The following LTN1 variants were observed in gnomAD, a reference collection of about 807,000 sequenced individuals.
The protein encoded by LTN1 is E3 ubiquitin-protein ligase listerin.
LTN1 carries 88 observed loss-of-function variants against 201.2 expected under a neutral mutation model. The observed-to-expected ratio is 0.44, with a 90% CI of 0.37 to 0.52. LTN1 has a LOEUF of 0.52. LTN1 is among the 20% of genes least tolerant of loss of function. LTN1 has a pLI of 0.00. For synonymous variants in LTN1, 645 were observed against 713.5 expected, an observed-to-expected ratio of 0.90 and a Z score of 1.53; for missense variants, 1,752 against 2,038.7, an observed-to-expected ratio of 0.86 and a Z score of 2.71.
At chr21:28,972,165 G>A (rs1203481073) in intron 6 of LTN1, among the ~76,000 whole-genome samples, 5 of 152,154 alleles carry the variant, frequency 3.3e-5, no homozygotes, top group Admixed American at 3.3e-4. Flanking sequence ...TCTGCCATGT[G>A]AGGACACAGC....
intron 27 of LTN1, among the ~76,000 whole-genome samples, chr21:28,933,809 T>G (rs1232452313): frequency 6.6e-6 from 1 of 152,016 alleles, no homozygotes; most frequent in Non-Finnish European, 1.5e-5. Context: ...CCCGAGTAGC[T>G]GGGATTACAG....
At chr21:28,965,561 T>C (rs949954276) in intron 11 of LTN1, among the ~76,000 whole-genome samples, 1 of 152,196 alleles carries the variant, frequency 6.6e-6, no homozygotes, top group African/African-American at 2.4e-5. Context: ...CAGAAAGTTG[T>C]AGCTTTAATT....
In LTN1 at chr21:28,984,838, A is replaced by C; in HGVS notation, c.430T>G (p.Leu144Val). The change falls in exon 4 of 30, where the codon TTA (leucine) becomes GTA (valine). Residue 144 changes from leucine (L) to valine (V), a missense_variant. Coordinates refer to ENST00000361371, the MANE Select transcript of LTN1 (RefSeq NM_015565.3). ...LKVKKQLAPY[L>V]KSLMGYWLMA... ...AGCCAATATCCCATTAAACTTTTTAAGTAGGGAGCCAACTGTTTCTTTACT... is the reference window on the plus strand; with the variant it reads ...AGCCAATATCCCATTAAACTTTTTACGTAGGGAGCCAACTGTTTCTTTACT... 6.2e-7 allele frequency: 1 copy of C among 1,614,194 alleles called. No homozygotes were observed. The highest frequency in any genetic ancestry group is 8.5e-7 in the Non-Finnish European group (1 of 1,180,018).
At chr21:28,985,985 C>T (rs2084695470) in intron 3 of LTN1, among the ~76,000 whole-genome samples, 154 bp downstream of exon 3, 1 of 152,042 alleles carries the variant, frequency 6.6e-6, no homozygotes, top group Admixed American at 6.6e-5. Flanking sequence ...TATTTCCACG[C>T]TCTTCTCAAG....
intron 5 of LTN1, among the ~76,000 whole-genome samples, chr21:28,981,660 T>C (rs574195121): frequency 3.3e-4 from 50 of 152,328 alleles, no homozygotes; most frequent in Admixed American, 9.1e-4. Flanking sequence ...GTAAACAAAA[T>C]AGTTTACTAC....
chr21:28,976,756 T>C (rs529850381), intron 6 of LTN1, among the ~76,000 whole-genome samples: 2 of 152,282 alleles, frequency 1.3e-5, no homozygotes, highest in South Asian at 4.1e-4. Flanking sequence ...ACAAATGTAC[T>C]GGAATTTGTT....
intron 1 of LTN1, among the ~76,000 whole-genome samples, chr21:28,991,288 TAC>T (rs2084743490): frequency 1.8e-5 from 1 of 54,930 alleles, no homozygotes. Flanking sequence ...GACCCTGTCT[TAC>T]AAAAAAAAAA....
chr21:28,991,221 G>A (rs2084742731), intron 1 of LTN1, among the ~76,000 whole-genome samples: 2 of 151,566 alleles, frequency 1.3e-5, no homozygotes, highest in East Asian at 3.9e-4. Flanking sequence ...AGCCCAAGAG[G>A]TTGACACTGC....
In LTN1 at chr21:28,947,532, T is replaced by G. The variant is rs1374755517; in HGVS notation, c.3419A>C (p.Lys1140Thr). 2 of 1,594,682 alleles carry G rather than the reference T, an allele frequency of 1.3e-6. No individual in the cohort carries two copies. The highest frequency in any genetic ancestry group is 2.3e-5 in the East Asian group (1 of 44,016). ...LCPFLSKEEKKEFSAQCIPAL... is the reference protein window; with the variant it reads ...LCPFLSKEEKTEFSAQCIPAL... ...AGGTATACATTGAGCACTAAATTCT[T>G]TCTTTTCTTCTTTTGACAAAAATGG... is the stretch of plus-strand genomic sequence containing the variant. Residue 1140 changes from lysine to threonine, a missense_variant, in exon 19 of 30, where the codon AAA becomes ACA. By Grantham distance (78) the Lys-to-Thr change is moderately conservative. This residue lies in a region of LTN1 where 1,211 missense variants were observed against 1,312.8 expected (regional missense o/e 0.92). Coordinates refer to ENST00000361371, the MANE Select transcript of LTN1 (RefSeq NM_015565.3).
intron 20 of LTN1, 46 bp from the exon 21 acceptor site, chr21:28,945,997 A>T (rs2146270263): frequency 6.5e-7 from 1 of 1,527,216 alleles, no homozygotes; most frequent in Non-Finnish European, 8.9e-7. Flanking sequence ...TTATATTGAC[A>T]TTCAATTAGA....
intron 6 of LTN1, 39 bp downstream of exon 6, chr21:28,981,080 A>G: frequency 4.0e-6 from 5 of 1,244,932 alleles, no homozygotes; most frequent in Non-Finnish European, 5.4e-6. Context: ...GGGGGTAAGG[A>G]ATCAGAGAAA....
rs1382725940 is a variant in LTN1 at position 28,986,208 on chromosome 21, T to C, written c.276A>G (p.Thr92=). 6 of 1,613,038 alleles carry C rather than the reference T, an allele frequency of 3.7e-6. No individual in the cohort carries two copies. Among genetic ancestry groups the C allele is most frequent in the African/African-American group, 1.3e-5 (1 of 75,048 alleles). Residue 92 remains threonine (T), a synonymous_variant, in exon 3 of 30, where the codon ACA becomes ACG. Coordinates refer to ENST00000361371, the MANE Select transcript of LTN1 (RefSeq NM_015565.3). The surrounding 1 kb of genome is among the most constrained non-coding windows in gnomAD (Gnocchi z 4.1). ...CTTTCACAGTTTCTGTGTCTCTCTC[T>C]GTACACATGGTTCCAAATTCCTGCA... ...KAMQEFGTMC[T]ERDTETVKGV... is the part of the protein sequence containing the mutation.
In LTN1 at chr21:28,966,692, A is replaced by C. The variant is rs938201780; in HGVS notation, c.1799T>G (p.Ile600Arg). 1 of 1,613,920 alleles carries C rather than the reference A, an allele frequency of 6.2e-7. No homozygotes were observed. Among genetic ancestry groups the C allele is most frequent in the African/African-American group, 1.3e-5 (1 of 74,930 alleles). Residue 600 changes from isoleucine (I) to arginine (R), a missense_variant, in exon 10 of 30, where the codon ATA becomes AGA. This residue lies in a region of LTN1 where 1,211 missense variants were observed against 1,312.8 expected (regional missense o/e 0.92). Coordinates refer to ENST00000361371, the MANE Select transcript of LTN1 (RefSeq NM_015565.3). Reference protein sequence around the residue: ...LEDLVCKLADISINYVNERKS... With the variant: ...LEDLVCKLADRSINYVNERKS... Reference sequence around the variant, plus strand: ...TCGTTCATTGACATAATTAATACTTATATCTGCGAGTTTACAGACTAAGTC... The same window carrying C: ...TCGTTCATTGACATAATTAATACTTCTATCTGCGAGTTTACAGACTAAGTC...
At chr21:28,959,865 G>A in intron 12 of LTN1, 168 bp from the exon 13 acceptor site, 1 of 568,562 alleles carries the variant, frequency 1.8e-6, no homozygotes, top group Non-Finnish European at 3.0e-6. Flanking sequence ...AGGCCCTCAA[G>A]TAAAAAAGGC....
In LTN1 at chr21:28,956,905, T is replaced by C; in HGVS notation, c.2936A>G (p.Tyr979Cys). The stretch of plus-strand genomic sequence containing the variant: ...CTTAAAATCTGTTTTGAAACATTCA[T>C]AATTCAAACTCAATCTTCCCTCTAA... ...PLLEGRLSLNYECFKTDFKEQ... is the reference protein window; with the variant it reads ...PLLEGRLSLNCECFKTDFKEQ... The change falls in exon 16 of 30, where the codon TAT becomes TGT. Residue 979 changes from tyrosine to cysteine, a missense_variant. By Grantham distance (194) the Tyr-to-Cys change is radical (BLOSUM62 -2). This residue lies in a region of LTN1 where 1,211 missense variants were observed against 1,312.8 expected (regional missense o/e 0.92). Transcript: ENST00000361371. 6.2e-7 allele frequency: 1 copy of C among 1,608,922 alleles called. No individual in the cohort carries two copies. Among genetic ancestry groups the C allele is most frequent in the Non-Finnish European group, 8.5e-7 (1 of 1,177,498 alleles).
rs765223646 is a variant in LTN1, at chr21:28,958,380, G to T, written c.2747+6C>A. On this transcript the variant is annotated splice_donor_region_variant and intron_variant, in intron 14 of 29. Coordinates refer to ENST00000361371, the MANE Select transcript of LTN1 (RefSeq NM_015565.3). ...AGACACTGAAACCAAGCTCAAAAAA[G>T]GTTACCTGTTGATATCCAAAGATGA... is the stretch of plus-strand genomic sequence containing the variant. 1 of 1,594,152 alleles carries T rather than the reference G, an allele frequency of 6.3e-7. No individual in the cohort carries two copies. The highest frequency in any genetic ancestry group is 2.3e-5 in the East Asian group (1 of 44,278).
At position 28,969,339 on chromosome 21, in the gene LTN1, T is replaced by C. The variant is rs2084553882; in HGVS notation, c.1311+127A>G. 1.3e-5 allele frequency: 9 copies of C among 714,892 alleles called. No homozygotes were observed. In the African/African-American group the frequency reaches 1.3e-4, roughly 10 times the overall value. 44.3% of individuals were successfully genotyped at this position (714,892 alleles called of 1,614,324 possible). A position where few individuals can be genotyped will look rare whatever the true frequency, so the allele number is the denominator to read the frequency against. On this transcript the variant is annotated intron_variant, in intron 9 of 29. Transcript: ENST00000361371. ...CTGGTCAGAAATACACATCACTCAA[T>C]TGGTAAATTATAAAAATAAAATTTT...
At chr21:28,974,824 A>C (rs1028502327) in intron 6 of LTN1, among the ~76,000 whole-genome samples, 1 of 152,178 alleles carries the variant, frequency 6.6e-6, no homozygotes, top group Non-Finnish European at 1.5e-5. Context: ...TTTTAGAGAT[A>C]TGAGTCTAAC....
At chr21:28,949,798 T>C (rs2084368677) in intron 18 of LTN1, among the ~76,000 whole-genome samples, 1 of 151,976 alleles carries the variant, frequency 6.6e-6, no homozygotes, top group South Asian at 2.1e-4. Context: ...TATATATATA[T>C]TTACATAAAA....
Sources: gnomAD v4.1 joint callset for allele counts (sites outside exome capture counted in the v4.1 genomes callset) on GRCh38, gnomAD v4.1.1 for gene constraint, gnomAD v4.1.1 regional missense constraint, Gnocchi (gnomAD v3.1) non-coding constraint, MANE v1.5 for transcripts, NCBI Gene and HGNC (gene_info 2026-07-23, HGNC 2026-07-21) for gene names.